Variants in NEO1 observed in about 807,000 individuals in gnomAD.
NEO1 encodes neogenin.
Under a neutral mutation model 159.7 loss-of-function variants are expected in NEO1, and 63 were observed. The observed-to-expected ratio is 0.39, with a 90% CI of 0.32 to 0.49. The LOEUF is 0.49. NEO1 is among the 20% of genes least tolerant of loss of function. The pLI, the probability that NEO1 is intolerant of heterozygous loss-of-function variation, is 0.85. For synonymous variants in NEO1, 633 were observed against 662.0 expected, an observed-to-expected ratio of 0.96 and a Z score of 0.67; for missense variants, 1,615 against 1,831.0, an observed-to-expected ratio of 0.88 and a Z score of 2.15.
intron 3 of NEO1, among the ~76,000 whole-genome samples, chr15:73,124,126 G>T (rs774687112): frequency 6.6e-6 from 1 of 152,116 alleles, no homozygotes; most frequent in Non-Finnish European, 1.5e-5. Flanking sequence ...GCAGTGGTGC[G>T]ATCTTGGTTC....
rs966531106 is a variant in NEO1 at position 73,288,651 on chromosome 15, A to G, written c.3649+100A>G. The G allele has an allele frequency of 2.5e-5, 23 of 936,030 alleles. No homozygotes were observed. In the African/African-American group the frequency reaches 3.7e-4, roughly 15 times the overall value. 58.0% of individuals were successfully genotyped at this position (936,030 alleles called of 1,614,324 possible). ...AGTTTGCCTTCATTTGGCAATTCCT[A>G]TATGAGATCAGATTTAGAGAAATGT... On this transcript the variant is annotated intron_variant, in intron 24 of 28. Transcript: ENST00000261908.
Position 73,214,055 on chromosome 15 carries a change from G to T in NEO1, c.1292-22292G>T, listed in dbSNP as rs552344856. ...GCATTTTTTCGTATGTTGGCCATTT[G>T]TGTATCTTCATTTGAGAATTGTCTG... On this transcript the variant is annotated intron_variant, in intron 7 of 28. Coordinates refer to ENST00000261908, the MANE Select transcript of NEO1 (RefSeq NM_002499.4). 1.1e-4 allele frequency among the ~76,000 whole-genome samples: 16 copies of T among 152,226 alleles called. No individual in the cohort carries two copies. In the South Asian group the frequency reaches 3.3e-3, roughly 32 times the overall value.
At chr15:73,128,951 T>C (rs1567263702) in intron 4 of NEO1, among the ~76,000 whole-genome samples, 1 of 152,188 alleles carries the variant, frequency 6.6e-6, no homozygotes, top group Non-Finnish European at 1.5e-5. Flanking sequence ...GACTTTAAGA[T>C]TGAGTTAACT....
At chr15:73,187,046 T>A (rs1242808847) in intron 7 of NEO1, among the ~76,000 whole-genome samples, 2 of 152,170 alleles carry the variant, frequency 1.3e-5, no homozygotes, top group East Asian at 3.8e-4. Context: ...GTCCGATGTG[T>A]AGGGTAGAAT....
At chr15:73,278,294 GT>G in intron 22 of NEO1, 95 bp downstream of exon 22, 1 of 1,081,764 alleles carries the variant, frequency 9.2e-7, no homozygotes, top group Non-Finnish European at 1.4e-6. Context: ...TGTGTGGTGG[GT>G]TGTAGCATAT....
At chr15:73,177,218 C>T (rs563404093) in intron 6 of NEO1, among the ~76,000 whole-genome samples, 4 of 152,122 alleles carry the variant, frequency 2.6e-5, no homozygotes, top group Admixed American at 6.5e-5. Context: ...CTATTATCAT[C>T]AATATCTAAC....
intron 23 of NEO1, among the ~76,000 whole-genome samples, chr15:73,285,516 C>T (rs534836330): frequency 8.5e-4 from 129 of 152,300 alleles, no homozygotes; most frequent in Non-Finnish European, 1.5e-3. Flanking sequence ...GGGTTTTCCC[C>T]TCCCCCACTT....
chr15:73,071,074 A>T (rs1209816646), intron 1 of NEO1, among the ~76,000 whole-genome samples: 4 of 151,812 alleles, frequency 2.6e-5, no homozygotes, highest in Non-Finnish European at 4.4e-5. Context: ...AAGCCTCCTG[A>T]GTAGCTTGGA....
At chr15:73,290,579 C>T (rs1302940358) in intron 25 of NEO1, among the ~76,000 whole-genome samples, 1 of 152,142 alleles carries the variant, frequency 6.6e-6, no homozygotes, top group Non-Finnish European at 1.5e-5. Context: ...ATTCGTGCCT[C>T]ACTTTGATAA....
rs7175316 is a variant in NEO1 at position 73,123,516 on chromosome 15, A to G, written c.724+716A>G. ...GGCTCTAGAGACAATGGCAGGCAAG[A>G]GTCCTTGGATCTTTATACTCCCCAT... On this transcript the variant is annotated intron_variant, in intron 3 of 28. Coordinates refer to ENST00000261908, the MANE Select transcript of NEO1 (RefSeq NM_002499.4). Among the ~76,000 whole-genome samples the G allele has an allele frequency of 6.4e-3, 971 of 152,306 alleles. 10 individuals are homozygous for G. The highest frequency in any genetic ancestry group is 0.022 in the African/African-American group (930 of 41,568).
intron 2 of NEO1, among the ~76,000 whole-genome samples, chr15:73,120,175 T>A (rs2071559698): frequency 2.0e-5 from 3 of 151,844 alleles, no homozygotes; most frequent in East Asian, 1.9e-4. Flanking sequence ...TAATTTAATT[T>A]AATTAAAATA....
intron 1 of NEO1, among the ~76,000 whole-genome samples, chr15:73,102,530 C>T (rs1485059514): frequency 6.6e-6 from 1 of 152,186 alleles, no homozygotes; most frequent in Non-Finnish European, 1.5e-5. Context: ...CCTGGATCAT[C>T]AGTGACTTTC....
intron 4 of NEO1, among the ~76,000 whole-genome samples, chr15:73,127,193 T>C (rs1033994357): frequency 6.6e-6 from 1 of 150,772 alleles, no homozygotes; most frequent in Non-Finnish European, 1.5e-5. Context: ...ATCGCGTCAC[T>C]GCACTCTAGC....
At chr15:73,187,108 G>A (rs1263141441) in intron 7 of NEO1, among the ~76,000 whole-genome samples, 1 of 152,148 alleles carries the variant, frequency 6.6e-6, no homozygotes, top group Non-Finnish European at 1.5e-5. Context: ...ACTGTGTGTC[G>A]AAGATGCTCA....
At chr15:73,202,294 G>T (rs1430689117) in intron 7 of NEO1, among the ~76,000 whole-genome samples, 1 of 152,218 alleles carries the variant, frequency 6.6e-6, no homozygotes, top group East Asian at 1.9e-4. Flanking sequence ...TTTTAGTCAT[G>T]TGGCTTTTTA....
At chr15:73,238,241 A>G (rs1398622633) in intron 8 of NEO1, among the ~76,000 whole-genome samples, 1 of 62,480 alleles carries the variant, frequency 1.6e-5, no homozygotes, top group South Asian at 5.3e-4. Context: ...TGTGTGTGGT[A>G]TTTTTTTGTT....
At chr15:73,230,625 C>CA (rs1403640774) in intron 7 of NEO1, among the ~76,000 whole-genome samples, 1 of 152,186 alleles carries the variant, frequency 6.6e-6, no homozygotes, top group Non-Finnish European at 1.5e-5. Context: ...CAGAGTCTCA[C>CA]AATCACCCAG....
chr15:73,078,500 AGG>A (rs1176180162), intron 1 of NEO1, among the ~76,000 whole-genome samples: 1 of 152,172 alleles, frequency 6.6e-6, no homozygotes, highest in Non-Finnish European at 1.5e-5. Flanking sequence ...CAGTCCACAA[AGG>A]GCTCTGTTTA....
intron 23 of NEO1, among the ~76,000 whole-genome samples, chr15:73,286,875 A>G (rs1208612472): frequency 1.3e-5 from 2 of 152,152 alleles, no homozygotes; most frequent in Non-Finnish European, 2.9e-5. Context: ...CCACTGTCCC[A>G]TGCCATCAGT....
Sources: gnomAD v4.1 joint callset for allele counts (sites outside exome capture counted in the v4.1 genomes callset) on GRCh38, gnomAD v4.1.1 for gene constraint, MANE v1.5 for transcripts, NCBI Gene and HGNC (gene_info 2026-07-23, HGNC 2026-07-21) for gene names.